The following TLL2 variants were observed in gnomAD, a reference collection of about 807,000 sequenced individuals.
TLL2 encodes the protein tolloid-like protein 2.
Under a neutral mutation model 123.0 loss-of-function variants are expected in TLL2, and 106 were observed. That is an observed-to-expected ratio of 0.86 (90% confidence interval 0.74 to 1.01). The LOEUF (loss-of-function observed/expected upper bound fraction) is 1.01. Ranked by LOEUF, TLL2 falls within the 50% of genes least tolerant of loss-of-function variation. TLL2 has a pLI of 0.00. For missense variants in TLL2, 1,332 were observed against 1,336.7 expected (o/e 1.00, Z 0.06); for synonymous variants, 494 against 516.8 (o/e 0.96, Z 0.60).
intron 5 of TLL2, among the ~76,000 whole-genome samples, chr10:96,425,509 T>A (rs1846670969): frequency 6.8e-6 from 1 of 146,122 alleles, no homozygotes; most frequent in South Asian, 2.2e-4. Flanking sequence ...CTATTTTTAC[T>A]TTTTTTTTTT....
At chr10:96,372,465 G>C (rs1846093024) in intron 19 of TLL2, among the ~76,000 whole-genome samples, 1 of 152,182 alleles carries the variant, frequency 6.6e-6, no homozygotes, top group South Asian at 2.1e-4. Flanking sequence ...GTGGGCACTA[G>C]TCCCAGGTGG....
intron 2 of TLL2, among the ~76,000 whole-genome samples, chr10:96,478,350 C>T (rs1229215744): frequency 6.6e-6 from 1 of 152,228 alleles, no homozygotes; most frequent in Non-Finnish European, 1.5e-5. Flanking sequence ...TGCACAGACA[C>T]CACTCCTGTC....
intron 2 of TLL2, among the ~76,000 whole-genome samples, chr10:96,475,688 C>T (rs904182703): frequency 7.9e-5 from 12 of 152,174 alleles, no homozygotes; most frequent in Non-Finnish European, 1.3e-4. Flanking sequence ...CCCCATGTCT[C>T]CCTCCAGGGA....
chr10:96,494,558 A>C (rs1847451727), intron 1 of TLL2, among the ~76,000 whole-genome samples: 1 of 152,126 alleles, frequency 6.6e-6, no homozygotes, highest in African/African-American at 2.4e-5. Flanking sequence ...TTTCATTTCT[A>C]CACTTAGACC....
intron 1 of TLL2, among the ~76,000 whole-genome samples, chr10:96,490,071 T>C (rs1847396324): frequency 6.6e-6 from 1 of 152,084 alleles, no homozygotes; most frequent in Non-Finnish European, 1.5e-5. Flanking sequence ...CACTCCAGCC[T>C]GGGTGACAGA....
chr10:96,408,095 G>C (rs117556882), intron 9 of TLL2, among the ~76,000 whole-genome samples: 107 of 152,330 alleles, frequency 7.0e-4, no homozygotes, highest in Middle Eastern at 3.4e-3. Flanking sequence ...TTAGATTTCT[G>C]TCCTATCCCA....
chr10:96,470,513 G>A (rs58018872), intron 2 of TLL2, among the ~76,000 whole-genome samples: 3,989 of 152,310 alleles, frequency 0.026, 163 homozygotes, highest in African/African-American at 0.082. Flanking sequence ...GGCAGGATGA[G>A]GTTTAGCACC....
chr10:96,429,363 C>CAAAA (rs35968467), intron 4 of TLL2, among the ~76,000 whole-genome samples: 1 of 142,212 alleles, frequency 7.0e-6, no homozygotes. Context: ...TAAATATTTT[C>CAAAA]AAAAAAAAAA....
chr10:96,410,503 T>C (rs746873824), intron 8 of TLL2, 29 bp from the exon 9 acceptor site: 3 of 1,581,516 alleles, frequency 1.9e-6, no homozygotes, highest in South Asian at 2.2e-5. Context: ...AACTGTGATG[T>C]GGCATATGCA....
In TLL2 at chr10:96,395,180, T is replaced by A; in HGVS notation, c.1726+7A>T. On this transcript the variant is annotated splice_region_variant and intron_variant, in intron 13 of 20. Coordinates refer to ENST00000357947, the MANE Select transcript of TLL2 (RefSeq NM_012465.4). ...CCTAAAAGTGGAAACAAACTGCTAA[T>A]TCATACCCTTGAAAAAATTGGCTGC... 5 of 1,601,708 alleles carry A rather than the reference T, an allele frequency of 3.1e-6. No homozygotes were observed. Among genetic ancestry groups the A allele is most frequent in the South Asian group, 1.1e-5 (1 of 88,794 alleles).
intron 2 of TLL2, among the ~76,000 whole-genome samples, chr10:96,476,875 C>CACACACACAG (rs750228809): frequency 0.15 from 21,467 of 144,334 alleles, 1,877 homozygotes; most frequent in East Asian, 0.28. Flanking sequence ...CACACACACA[C>CACACACACAG]ACACACACAC....
At chr10:96,483,999 T>C (rs890382895) in intron 1 of TLL2, among the ~76,000 whole-genome samples, 1 of 152,196 alleles carries the variant, frequency 6.6e-6, no homozygotes, top group Non-Finnish European at 1.5e-5. Flanking sequence ...TGCGCCACCA[T>C]GCTGGCTAAT....
chr10:96,476,240 A>ATATATATTCTT, intron 2 of TLL2, among the ~76,000 whole-genome samples: 1 of 20,502 alleles, frequency 4.9e-5, no homozygotes, highest in African/African-American at 1.7e-4. Flanking sequence ...ATATATATAT[A>ATATATATTCTT]TTTTATTTTT....
intron 13 of TLL2, among the ~76,000 whole-genome samples, chr10:96,394,221 AG>A (rs1349670512): frequency 6.6e-6 from 1 of 151,994 alleles, no homozygotes; most frequent in Non-Finnish European, 1.5e-5. Context: ...CACAAGTTGT[AG>A]GGGGGCTGGG....
At chr10:96,411,257 CAAAAAAAAAAAAAAA>C (rs56011735) in intron 8 of TLL2, among the ~76,000 whole-genome samples, 7 of 95,162 alleles carry the variant, frequency 7.4e-5, no homozygotes, top group East Asian at 5.0e-4. Context: ...GACTCTGTCT[CAAAAAAAAAAAAAAA>C]AAAAAAAAAA....
intron 10 of TLL2, among the ~76,000 whole-genome samples, chr10:96,403,642 C>T (rs909443521): frequency 1.3e-5 from 2 of 152,296 alleles, no homozygotes; most frequent in South Asian, 4.1e-4. Context: ...TGAAATATGG[C>T]CTCGTGGGAT....
intron 1 of TLL2, among the ~76,000 whole-genome samples, chr10:96,488,822 A>G (rs2134108234): frequency 6.6e-6 from 1 of 152,332 alleles, no homozygotes; most frequent in East Asian, 1.9e-4. Context: ...CTGAACCAGC[A>G]GGGCCCACAT....
chr10:96,513,796 A>T lies in TLL2; in HGVS notation c.-111T>A, dbSNP rs115156936. ...GCTCCGGCCGGGACTCGGTGGTTAC[A>T]CAGGGCTGCTGGGCATGGCTCAGGC... On this transcript the variant is annotated 5_prime_UTR_variant, in exon 1 of 21. Transcript: ENST00000357947. 1,252 of 1,183,448 alleles carry T rather than the reference A, an allele frequency of 1.1e-3. 10 individuals carry two copies. The African/African-American group carries it at 0.018, about 17-fold the overall frequency. The allele number at this position is 1,183,448 out of a possible 1,614,324, so 73.3% of individuals were successfully genotyped here. A position where few individuals can be genotyped will look rare whatever the true frequency, so the allele number is the denominator to read the frequency against.
intron 1 of TLL2, among the ~76,000 whole-genome samples, chr10:96,500,154 A>T (rs1239222896): frequency 6.0e-5 from 9 of 150,904 alleles, no homozygotes; most frequent in African/African-American, 2.2e-4. Flanking sequence ...CAAAAAAAAA[A>T]AAAAAATACA....
Sources: allele counts gnomAD v4.1 joint callset (sites outside exome capture counted in the v4.1 genomes callset), GRCh38; gene constraint gnomAD v4.1.1; transcripts MANE v1.5; gene names NCBI Gene and HGNC (gene_info 2026-07-23, HGNC 2026-07-21).